Variants in RBFOX1 observed in about 807,000 individuals in gnomAD.
RBFOX1 encodes the protein RNA binding fox-1 homolog 1, also known as RNA binding protein fox-1 homolog 1.
In RBFOX1, 8 loss-of-function variants were observed where a neutral mutation model predicts 57.7. The observed-to-expected ratio is 0.14, with a 90% confidence interval of 0.08 to 0.25. The LOEUF (loss-of-function observed/expected upper bound fraction) is 0.25, where lower values mean the gene tolerates loss of function less well. Ranked by LOEUF, RBFOX1 falls within the 10% of genes least tolerant of loss-of-function variation. The probability of loss-of-function intolerance (pLI) is 1.00; values close to 1 mark genes in which losing one functional copy is unlikely to be tolerated. For missense variants in RBFOX1, 611 were observed against 548.5 expected, an observed-to-expected ratio of 1.11 and a Z score of -1.14; for synonymous variants, 326 against 222.4, an observed-to-expected ratio of 1.47 and a Z score of -4.15.
intron 3 of RBFOX1, among the ~76,000 whole-genome samples, chr16:5,646,588 T>A (rs1474200211): frequency 1.3e-5 from 2 of 152,096 alleles, no homozygotes; most frequent in African/African-American, 4.8e-5. Flanking sequence ...GTGCAGCATG[T>A]GTCAGGGAGG....
At chr16:5,642,266 C>G (rs1217827897) in intron 3 of RBFOX1, among the ~76,000 whole-genome samples, 3 of 152,232 alleles carry the variant, frequency 2.0e-5, no homozygotes, top group Admixed American at 1.3e-4. Flanking sequence ...GCTGCTCAAA[C>G]TTGGGGCTGT....
chr16:5,871,033 A>G (rs902004296), intron 4 of RBFOX1, among the ~76,000 whole-genome samples: 3 of 152,228 alleles, frequency 2.0e-5, no homozygotes, highest in Non-Finnish European at 2.9e-5. Context: ...TTGACAGTGA[A>G]TATGTGAATA....
intron 4 of RBFOX1, among the ~76,000 whole-genome samples, chr16:7,128,310 C>T (rs917736372): frequency 6.6e-6 from 1 of 152,218 alleles, no homozygotes; most frequent in Non-Finnish European, 1.5e-5. Flanking sequence ...ATACTTAACC[C>T]CATTTTAATA....
At chr16:6,025,278 G>A (rs11859046) in intron 1 of RBFOX1, among the ~76,000 whole-genome samples, 12,442 of 152,210 alleles carry the variant, frequency 0.082, 1,042 homozygotes, top group African/African-American at 0.21. Flanking sequence ...GCCTTGCAAC[G>A]TCTGAGAAAT....
chr16:6,727,775 T>G lies in RBFOX1; in HGVS notation c.-16+73125T>G, dbSNP rs1414388541. On this transcript the variant is annotated intron_variant, in intron 3 of 15. Transcript: ENST00000550418. ...TGAGTTCAGTAGCATCCGTCCAGTA[T>G]TTGTTTTGTCAGGCATTTGAGGTCT... Among the ~76,000 whole-genome samples the G allele has an allele frequency of 2.0e-5, 3 of 152,132 alleles. No individual in the cohort carries two copies. In the East Asian group the frequency reaches 5.8e-4, roughly 29 times the overall value.
At chr16:6,594,557 G>A (rs2153994579) in intron 2 of RBFOX1, among the ~76,000 whole-genome samples, 1 of 152,166 alleles carries the variant, frequency 6.6e-6, no homozygotes, top group South Asian at 2.1e-4. Context: ...AAGAATCTAG[G>A]TTTTTAATGT....
At chr16:5,415,877 C>A (rs569199254) in intron 1 of RBFOX1, among the ~76,000 whole-genome samples, 50 of 152,222 alleles carry the variant, frequency 3.3e-4, no homozygotes, top group Non-Finnish European at 5.9e-4. Flanking sequence ...GGCCGGTTTC[C>A]CAGGGCAAAG....
intron 2 of RBFOX1, among the ~76,000 whole-genome samples, chr16:6,583,298 C>G (rs371185040): frequency 5.3e-4 from 81 of 152,240 alleles, no homozygotes; most frequent in African/African-American, 1.9e-3. Flanking sequence ...CAGGAACTAC[C>G]TTTCCCTGAG....
In RBFOX1 at chr16:6,634,015, C is replaced by G. The variant is rs530178510; in HGVS notation, c.-63-20588C>G. ...GGACAACATGAGTAAGACCCCATCTCAAAGAAATCCAGGCTTTGTGTAAAC... is the reference window on the plus strand; with the variant it reads ...GGACAACATGAGTAAGACCCCATCTGAAAGAAATCCAGGCTTTGTGTAAAC... On this transcript the variant is annotated intron_variant, in intron 2 of 15. Coordinates refer to ENST00000550418, the MANE Select transcript of RBFOX1 (RefSeq NM_018723.4). Among the ~76,000 whole-genome samples, 4 of 152,148 alleles carry G rather than the reference C, an allele frequency of 2.6e-5. No homozygotes were observed. The South Asian group carries it at 6.2e-4, about 24-fold the overall frequency.
intron 3 of RBFOX1, among the ~76,000 whole-genome samples, chr16:6,972,509 G>A (rs996789641): frequency 1.4e-4 from 22 of 152,236 alleles, no homozygotes; most frequent in East Asian, 3.9e-4. Flanking sequence ...TTGGGTTGCC[G>A]CCACTTGTTG....
At chr16:7,084,481 C>G (rs2059683815) in intron 4 of RBFOX1, among the ~76,000 whole-genome samples, 1 of 152,146 alleles carries the variant, frequency 6.6e-6, no homozygotes, top group Non-Finnish European at 1.5e-5. Context: ...TCCATTCTTT[C>G]CTTTAGCTGA....
At position 7,178,087 on chromosome 16, in the gene RBFOX1, C is replaced by T. The variant is rs970622196; in HGVS notation, c.27+125989C>T. ...GAAAGTCAGTATGTGTCAGGATATG[C>T]TGCTGTTACAAATAACCCCCAGGAT... is the stretch of plus-strand genomic sequence containing the variant. On this transcript the variant is annotated intron_variant, in intron 4 of 15. Coordinates refer to ENST00000550418, the MANE Select transcript of RBFOX1 (RefSeq NM_018723.4). 9.9e-5 allele frequency among the ~76,000 whole-genome samples: 15 copies of T among 152,194 alleles called. 1 individual carries two copies. The highest frequency in any genetic ancestry group is 3.6e-4 in the African/African-American group (15 of 41,456).
At position 7,657,514 on chromosome 16, in the gene RBFOX1, A is replaced by G. The variant is rs137936118; in HGVS notation, c.890+3567A>G. On this transcript the variant is annotated intron_variant, in intron 12 of 15. Transcript: ENST00000550418. ...GAGATGGGGTTTCACCATTTTGGCC[A>G]GGCTGGTCTTGAACTCCTGACCTCA... 2.2e-3 allele frequency among the ~76,000 whole-genome samples: 335 copies of G among 152,334 alleles called. 1 individual carries two copies. Among genetic ancestry groups the G allele is most frequent in the African/African-American group, 7.7e-3 (322 of 41,584 alleles).
At chr16:6,892,549 A>C (rs1044152012) in intron 3 of RBFOX1, among the ~76,000 whole-genome samples, 1 of 152,122 alleles carries the variant, frequency 6.6e-6, no homozygotes, top group Admixed American at 6.6e-5. Flanking sequence ...ACACACCTGT[A>C]ATCTCTGCTA....
chr16:5,660,245 A>G (rs1567360860), intron 3 of RBFOX1, among the ~76,000 whole-genome samples: 1 of 152,214 alleles, frequency 6.6e-6, no homozygotes. Context: ...GGTATTCTCA[A>G]GCGCCCCAGT....
chr16:7,577,223 C>G (rs954437910), intron 5 of RBFOX1, among the ~76,000 whole-genome samples: 1 of 152,218 alleles, frequency 6.6e-6, no homozygotes, highest in East Asian at 1.9e-4. Context: ...TCATACCACA[C>G]TCCTGCTGTG....
intron 4 of RBFOX1, among the ~76,000 whole-genome samples, chr16:7,230,778 T>G (rs1223329947): frequency 6.6e-6 from 1 of 152,190 alleles, no homozygotes; most frequent in Non-Finnish European, 1.5e-5. Flanking sequence ...TTTCTGCTCT[T>G]CGGACATAAA....
intron 3 of RBFOX1, among the ~76,000 whole-genome samples, chr16:5,676,063 G>A (rs1424666871): frequency 6.6e-6 from 1 of 152,082 alleles, no homozygotes; most frequent in African/African-American, 2.4e-5. Flanking sequence ...TGATCGGGAG[G>A]GAACGTCGCA....
intron 4 of RBFOX1, among the ~76,000 whole-genome samples, chr16:7,335,590 A>G (rs1333336254): frequency 5.1e-5 from 6 of 117,014 alleles, no homozygotes. Flanking sequence ...TAAAGAAAAA[A>G]AAAAAAAAAA....
Sources: gnomAD v4.1 joint callset for allele counts (sites outside exome capture counted in the v4.1 genomes callset) on GRCh38, gnomAD v4.1.1 for gene constraint, MANE v1.5 for transcripts, NCBI Gene and HGNC (gene_info 2026-07-23, HGNC 2026-07-21) for gene names.